CYB5R1: variants seen among roughly 807,000 people sequenced by gnomAD.
CYB5R1 encodes NADH-cytochrome b5 reductase 1.
CYB5R1 carries 32 observed loss-of-function variants against 37.4 expected under a neutral mutation model. The ratio of observed to expected loss-of-function variants is 0.86; its 90% CI spans 0.65 to 1.15. The LOEUF (loss-of-function observed/expected upper bound fraction) is 1.15, where lower values mean the gene tolerates loss of function less well. Among genes scored for constraint, CYB5R1 ranks in the 50% most tolerant of loss-of-function variants. The pLI, the probability that CYB5R1 is intolerant of heterozygous loss-of-function variation, is 0.00. For missense variants in CYB5R1, 345 were observed against 382.5 expected, an observed-to-expected ratio of 0.90 and a Z score of 0.82; for synonymous variants, 159 against 155.2, an observed-to-expected ratio of 1.02 and a Z score of -0.18.
rs1655070817 is a variant in CYB5R1, at chr1:202,965,486, A to G, written c.360T>C (p.Gly120=). 1 of 1,598,178 alleles carries G rather than the reference A, an allele frequency of 6.3e-7. No individual in the cohort carries two copies. Among genetic ancestry groups the G allele is most frequent in the Non-Finnish European group, 8.5e-7 (1 of 1,172,806 alleles). The change falls in exon 5 of 9, where the codon GGT becomes GGC. Residue 120 remains glycine, a synonymous_variant. Coordinates refer to ENST00000367249, the MANE Select transcript of CYB5R1 (RefSeq NM_016243.3). ...CTCCCTCAGGAAATTTGGGGTGCAC[A>G]CCCTTCAGGTAGACCTTACAAGACA... ...VDLVIKVYLK[G]VHPKFPEGGK...
At position 202,967,252 on chromosome 1, in the gene CYB5R1, C is replaced by T. The variant is rs767229373; in HGVS notation, c.-47G>A. 4 of 1,557,882 alleles carry T rather than the reference C, an allele frequency of 2.6e-6. No individual in the cohort carries two copies. Among genetic ancestry groups the T allele is most frequent in the South Asian group, 1.1e-5 (1 of 89,708 alleles). Reference sequence around the variant, plus strand: ...CCACCTGACAAGCCGACAGATCCCACAATGCGCCGCGGGGCGGGTCGGAGG... The same window carrying T: ...CCACCTGACAAGCCGACAGATCCCATAATGCGCCGCGGGGCGGGTCGGAGG... On this transcript the variant is annotated 5_prime_UTR_variant, in exon 1 of 9. It adds an upstream start codon to the 5' untranslated region. Transcript: ENST00000367249.
At position 202,964,651 on chromosome 1, in the gene CYB5R1, G is replaced by T. The variant is rs2232845; in HGVS notation, c.520C>A (p.Arg174=). The stretch of plus-strand genomic sequence containing the variant: ...ATCATTCCCAGTTTCTTCGCCACTC[G>T]GGGTTCTGGTGGAGATTTCTTGTTG... ...QPNKKSPPEP[R]VAKKLGMIAG... is the part of the protein sequence containing the mutation. The change falls in exon 6 of 9, where the codon CGA becomes AGA. Residue 174 remains arginine, a synonymous_variant. Transcript: ENST00000367249. The T allele has an allele frequency of 4.6e-3, 7,353 of 1,613,834 alleles. 305 individuals carry two copies. The African/African-American group carries it at 0.086, about 19-fold the overall frequency.
chr1:202,964,621 C>G lies in CYB5R1; in HGVS notation c.550G>C (p.Gly184Arg). 1 of 1,612,544 alleles carries G rather than the reference C, an allele frequency of 6.2e-7. No individual in the cohort carries two copies. The highest frequency in any genetic ancestry group is 1.1e-5 in the South Asian group (1 of 91,022). Residue 184 changes from glycine (G) to arginine (R), a missense_variant, in exon 6 of 9, where the codon GGC becomes CGC. Coordinates refer to ENST00000367249, the MANE Select transcript of CYB5R1 (RefSeq NM_016243.3). ...RVAKKLGMIA[G>R]GTGITPMLQL... ...CCTCAGTGTAATGCACCTGTCCCGC[C>G]GGCAATCATTCCCAGTTTCTTCGCC... is the stretch of plus-strand genomic sequence containing the variant.
chr1:202,967,090 G>A, intron 1 of CYB5R1, 101 bp downstream of exon 1: 1 of 1,495,074 alleles, frequency 6.7e-7, no homozygotes, highest in Non-Finnish European at 9.1e-7. Context: ...CCAGAGCCCT[G>A]CGGGGCGGGG....
chr1:202,965,459 C>G lies in CYB5R1; in HGVS notation c.387G>C (p.Gly129=). 9.4e-6 allele frequency: 15 copies of G among 1,602,426 alleles called. No individual in the cohort carries two copies. Among genetic ancestry groups the G allele is most frequent in the Non-Finnish European group, 1.3e-5 (15 of 1,174,506 alleles). ...KGVHPKFPEG[G]KMSQYLDSLK... is the part of the protein sequence containing the mutation. ...GGCTATCCAGGTACTGAGACATCTTCCCTCCCTCAGGAAATTTGGGGTGCA... is the reference window on the plus strand; with the variant it reads ...GGCTATCCAGGTACTGAGACATCTTGCCTCCCTCAGGAAATTTGGGGTGCA... The change falls in exon 5 of 9, where the codon GGG becomes GGC. Residue 129 remains glycine, a synonymous_variant. Transcript: ENST00000367249.
chr1:202,965,332 A>C, intron 5 of CYB5R1, 39 bp downstream of exon 5: 1 of 1,534,262 alleles, frequency 6.5e-7, no homozygotes, highest in African/African-American at 1.4e-5. Flanking sequence ...GGGAACTGAT[A>C]AAGTGGGAGA....
At chr1:202,966,976 C>T (rs1057174630) in intron 1 of CYB5R1, 78 bp from the exon 2 acceptor site, 5 of 1,494,206 alleles carry the variant, frequency 3.3e-6, no homozygotes, top group African/African-American at 2.8e-5. Flanking sequence ...CCAGGGGTGG[C>T]GATCCCGAGC....
Position 202,964,320 on chromosome 1 carries a change from C to T in CYB5R1, c.559+292G>A. Reference sequence around the variant, plus strand: ...TGTCCAATGCTAATTTTCTTTCTTCCTAGCTAGTCATTCCTAGCTGCTTCT... The same window carrying T: ...TGTCCAATGCTAATTTTCTTTCTTCTTAGCTAGTCATTCCTAGCTGCTTCT... On this transcript the variant is annotated intron_variant, in intron 6 of 8. Coordinates refer to ENST00000367249, the MANE Select transcript of CYB5R1 (RefSeq NM_016243.3). 1.1e-5 allele frequency: 5 copies of T among 454,172 alleles called. 1 individual carries two copies. Among genetic ancestry groups the T allele is most frequent in the Non-Finnish European group, 2.0e-5 (5 of 250,080 alleles). 28.1% of individuals were successfully genotyped at this position (454,172 alleles called of 1,614,324 possible). A position where few individuals can be genotyped will look rare whatever the true frequency, so the allele number is the denominator to read the frequency against.
At chr1:202,963,424 T>C (rs1256347362) in intron 7 of CYB5R1, 2 of 592,232 alleles carry the variant, frequency 3.4e-6, no homozygotes, top group Non-Finnish European at 6.0e-6. Context: ...ACTAGATACC[T>C]TAAAAGTTTT....
In CYB5R1 at chr1:202,965,428, C is replaced by A. The variant is rs1655068060; in HGVS notation, c.418G>T (p.Val140Phe). Reference protein sequence around the residue: ...KMSQYLDSLKVGDVVEFRGPS... With the variant: ...KMSQYLDSLKFGDVVEFRGPS... The stretch of plus-strand genomic sequence containing the variant: ...CCCCGAAACTCCACCACATCCCCAA[C>A]CTTCAGGCTATCCAGGTACTGAGAC... Residue 140 changes from valine (V) to phenylalanine (F), a missense_variant, in exon 5 of 9, where the codon GTT becomes TTT. Coordinates refer to ENST00000367249, the MANE Select transcript of CYB5R1 (RefSeq NM_016243.3). The A allele has an allele frequency of 3.1e-6, 5 of 1,608,884 alleles. No homozygotes were observed. Among genetic ancestry groups the A allele is most frequent in the South Asian group, 1.1e-5 (1 of 90,478 alleles).
At chr1:202,964,507 T>A (rs1655047922) in intron 6 of CYB5R1, 105 bp downstream of exon 6, 1 of 910,618 alleles carries the variant, frequency 1.1e-6, no homozygotes, top group Non-Finnish European at 1.8e-6. Context: ...AATCCCCTGA[T>A]GAACAACAGC....
intron 3 of CYB5R1, 93 bp downstream of exon 3, chr1:202,966,435 A>C: frequency 1.2e-5 from 16 of 1,378,880 alleles, no homozygotes; most frequent in South Asian, 2.4e-5. Context: ...GTGTGGAGCA[A>C]ACCGGTTGAA....
In CYB5R1 at chr1:202,962,468, T is replaced by C; in HGVS notation, c.*59A>G. ...GAGGAAAGGAATCTAAGGCTTATAGTGCTTGAGTACTGATGGGGAACAACT... is the reference window on the plus strand; with the variant it reads ...GAGGAAAGGAATCTAAGGCTTATAGCGCTTGAGTACTGATGGGGAACAACT... On this transcript the variant is annotated 3_prime_UTR_variant, in exon 9 of 9. Coordinates refer to ENST00000367249, the MANE Select transcript of CYB5R1 (RefSeq NM_016243.3). The C allele has an allele frequency of 2.0e-6, 3 of 1,531,064 alleles. No homozygotes were observed. The highest frequency in any genetic ancestry group is 2.6e-6 in the Non-Finnish European group (3 of 1,138,546). 94.8% of individuals were successfully genotyped at this position (1,531,064 alleles called of 1,614,324 possible).
At chr1:202,964,503 C>T in intron 6 of CYB5R1, 109 bp downstream of exon 6, 1 of 907,228 alleles carries the variant, frequency 1.1e-6, no homozygotes, top group Non-Finnish European at 1.8e-6. Flanking sequence ...TGGAAATCCC[C>T]TGATGAACAA....
intron 3 of CYB5R1, chr1:202,966,227 A>G (rs2102504633): frequency 1.7e-6 from 1 of 594,624 alleles, no homozygotes; most frequent in African/African-American, 1.9e-5. Flanking sequence ...ACCTTGACAG[A>G]TGAGCCAAAA....
In CYB5R1 at chr1:202,965,871, C is replaced by A; in HGVS notation, c.345+16G>T. 2 of 1,570,984 alleles carry A rather than the reference C, an allele frequency of 1.3e-6. No homozygotes were observed. The highest frequency in any genetic ancestry group is 2.2e-5 in the South Asian group (2 of 89,892). On this transcript the variant is annotated intron_variant, in intron 4 of 8. Transcript: ENST00000367249. ...GAATGGGTAAGCAGCCCCTGGGTCCCTTCCTAGCCCCTTACCTTGATGACA... is the reference window on the plus strand; with the variant it reads ...GAATGGGTAAGCAGCCCCTGGGTCCATTCCTAGCCCCTTACCTTGATGACA...
At chr1:202,965,292 C>T (rs957375780) in intron 5 of CYB5R1, 79 bp downstream of exon 5, 3 of 1,449,814 alleles carry the variant, frequency 2.1e-6, no homozygotes, top group Non-Finnish European at 1.8e-6. Flanking sequence ...CACATGTGTA[C>T]ACACAGCCAT....
chr1:202,967,078 G>C, intron 1 of CYB5R1, 113 bp downstream of exon 1: 1 of 1,463,192 alleles, frequency 6.8e-7, no homozygotes, highest in Non-Finnish European at 9.4e-7. Context: ...TCCACGGTGG[G>C]CCCAGAGCCC....
intron 3 of CYB5R1, 137 bp downstream of exon 3, chr1:202,966,391 A>AGGAT (rs1655092816): frequency 4.1e-6 from 4 of 972,174 alleles, no homozygotes; most frequent in Non-Finnish European, 4.7e-6. Context: ...CACAGCTTGG[A>AGGAT]GGATGCAGAG....
Sources: allele counts gnomAD v4.1 joint callset, GRCh38; gene constraint gnomAD v4.1.1; transcripts MANE v1.5; gene names NCBI Gene and HGNC (gene_info 2026-07-23, HGNC 2026-07-21).